Variants in CHN1 observed in about 807,000 individuals in gnomAD.
The protein encoded by CHN1 is N-chimaerin.
Under a neutral mutation model 59.5 loss-of-function variants are expected in CHN1, and 37 were observed. That is an observed-to-expected ratio of 0.62 (90% confidence interval 0.48 to 0.82). The LOEUF (loss-of-function observed/expected upper bound fraction) is 0.82, where lower values mean the gene tolerates loss of function less well. CHN1 is among the 40% of genes least tolerant of loss of function. The pLI is 0.00. For missense variants in CHN1, 469 were observed against 571.0 expected (o/e 0.82, Z 1.82); for synonymous variants, 206 against 200.4 (o/e 1.03, Z -0.24).
At chr2:174,895,370 A>G (rs2105350891) in intron 5 of CHN1, among the ~76,000 whole-genome samples, 1 of 152,184 alleles carries the variant, frequency 6.6e-6, no homozygotes, top group South Asian at 2.1e-4. Flanking sequence ...GGATATCTAG[A>G]GCAGTCAAAA....
intron 6 of CHN1, chr2:174,847,158 T>C: frequency 6.5e-7 from 1 of 1,540,336 alleles, no homozygotes; most frequent in Non-Finnish European, 8.8e-7. Context: ...AAAGAAAACC[T>C]ATAGTGGTCT....
At chr2:174,929,952 G>A (rs1377834081) in intron 3 of CHN1, among the ~76,000 whole-genome samples, 1 of 152,182 alleles carries the variant, frequency 6.6e-6, no homozygotes, top group East Asian at 1.9e-4. Flanking sequence ...CTTAGTGTTG[G>A]AGTCTCTCTC....
intron 1 of CHN1, among the ~76,000 whole-genome samples, chr2:175,004,053 TTTGC>T (rs1691980194): frequency 6.6e-6 from 1 of 152,162 alleles, no homozygotes; most frequent in Non-Finnish European, 1.5e-5. Context: ...ATCATTGTAC[TTTGC>T]TTCTTCAAAA....
chr2:174,908,628 C>T (rs1227818756), intron 5 of CHN1, among the ~76,000 whole-genome samples: 4 of 152,172 alleles, frequency 2.6e-5, no homozygotes, highest in Non-Finnish European at 5.9e-5. Context: ...CATATTCTAC[C>T]CTTTTACTTG....
At position 174,799,242 on chromosome 2, in the gene CHN1, T is replaced by C; in HGVS notation, c.*874A>G. Reference sequence around the variant, plus strand: ...GAAGAAAAATAAATGGAATTAATGGTTGTTCTAACTGTAAGCAGTTTTAAA... The same window carrying C: ...GAAGAAAAATAAATGGAATTAATGGCTGTTCTAACTGTAAGCAGTTTTAAA... On this transcript the variant is annotated 3_prime_UTR_variant, in exon 13 of 13. Coordinates refer to ENST00000409900, the MANE Select transcript of CHN1 (RefSeq NM_001822.7). The C allele has an allele frequency of 4.1e-6, 1 of 245,558 alleles. No individual in the cohort carries two copies. The highest frequency in any genetic ancestry group is 8.1e-6 in the Non-Finnish European group (1 of 123,202). 15.2% of individuals were successfully genotyped at this position (245,558 alleles called of 1,614,324 possible).
chr2:174,818,631 AT>A (rs765050635), intron 8 of CHN1, among the ~76,000 whole-genome samples: 42 of 132,058 alleles, frequency 3.2e-4, no homozygotes, highest in African/African-American at 7.3e-4. Flanking sequence ...ATTAAACCAC[AT>A]TTTTTTTTAT....
intron 5 of CHN1, among the ~76,000 whole-genome samples, chr2:174,898,260 C>T (rs1159710371): frequency 6.6e-6 from 1 of 152,046 alleles, no homozygotes; most frequent in Non-Finnish European, 1.5e-5. Flanking sequence ...AAGTCACTCC[C>T]AATACTTTGA....
At chr2:174,889,977 AC>A (rs143022557) in intron 5 of CHN1, among the ~76,000 whole-genome samples, 3,937 of 152,138 alleles carry the variant, frequency 0.026, 189 homozygotes, top group African/African-American at 0.09. Context: ...CAATAAAAAA[AC>A]AATGAAACAA....
chr2:175,004,634 A>C (rs1042503856), intron 1 of CHN1, among the ~76,000 whole-genome samples: 1 of 152,192 alleles, frequency 6.6e-6, no homozygotes, highest in African/African-American at 2.4e-5. Context: ...GTGCGTTTGC[A>C]AAACACCCAG....
chr2:174,839,662 G>A (rs1342232680), intron 7 of CHN1, among the ~76,000 whole-genome samples: 1 of 150,280 alleles, frequency 6.7e-6, no homozygotes, highest in African/African-American at 2.5e-5. Flanking sequence ...ATATTGCAGT[G>A]GCACAATCAC....
intron 6 of CHN1, among the ~76,000 whole-genome samples, chr2:174,870,132 A>G (rs1275477197): frequency 6.6e-6 from 1 of 152,216 alleles, no homozygotes; most frequent in Non-Finnish European, 1.5e-5. Flanking sequence ...TGGTGTTAGA[A>G]GCTAACGAAA....
intron 3 of CHN1, among the ~76,000 whole-genome samples, chr2:174,924,533 T>C (rs1042019771): frequency 1.3e-5 from 2 of 152,196 alleles, no homozygotes; most frequent in Non-Finnish European, 2.9e-5. Context: ...TTTGTCAGTA[T>C]AGTCCAAAAA....
At chr2:174,986,596 C>T (rs545644875) in intron 1 of CHN1, among the ~76,000 whole-genome samples, 1 of 150,016 alleles carries the variant, frequency 6.7e-6, no homozygotes, top group Middle Eastern at 3.4e-3. Context: ...AACAGATTTT[C>T]TTGTGCTTCT....
At chr2:174,956,349 T>C (rs1324305624) in intron 1 of CHN1, among the ~76,000 whole-genome samples, 1 of 151,772 alleles carries the variant, frequency 6.6e-6, no homozygotes, top group Non-Finnish European at 1.5e-5. Flanking sequence ...TAGAAGAAAT[T>C]CTTCAAAAAC....
intron 6 of CHN1, 26 bp downstream of exon 6, chr2:174,877,814 T>C (rs1687614523): frequency 6.3e-7 from 1 of 1,591,680 alleles, no homozygotes; most frequent in African/African-American, 1.3e-5. Context: ...CAGAAAAAGA[T>C]AAAGTGTGGT....
chr2:175,003,931 G>C (rs1455008733), intron 1 of CHN1, among the ~76,000 whole-genome samples: 1 of 152,202 alleles, frequency 6.6e-6, no homozygotes, highest in Non-Finnish European at 1.5e-5. Flanking sequence ...AAAAGCATTT[G>C]AGGTATGTAA....
chr2:174,998,260 G>A (rs1378865679), intron 1 of CHN1, among the ~76,000 whole-genome samples: 3 of 131,014 alleles, frequency 2.3e-5, no homozygotes, highest in Non-Finnish European at 3.1e-5. Context: ...CTGAGATTGC[G>A]CCACTGCACT....
intron 7 of CHN1, among the ~76,000 whole-genome samples, chr2:174,831,605 T>C (rs1685881456): frequency 6.6e-6 from 1 of 152,156 alleles, no homozygotes; most frequent in Non-Finnish European, 1.5e-5. Context: ...TTCAAAGACA[T>C]TTTCCATTTC....
At chr2:174,838,939 C>T (rs1321422428) in intron 7 of CHN1, among the ~76,000 whole-genome samples, 1 of 151,864 alleles carries the variant, frequency 6.6e-6, no homozygotes, top group African/African-American at 2.4e-5. Context: ...ATAGCTTGAA[C>T]CCAGGAGGCG....
Sources: gnomAD v4.1 joint callset for allele counts (sites outside exome capture counted in the v4.1 genomes callset) on GRCh38, gnomAD v4.1.1 for gene constraint, MANE v1.5 for transcripts, NCBI Gene and HGNC (gene_info 2026-07-23, HGNC 2026-07-21) for gene names.